The following DGKD variants were observed in gnomAD, a reference collection of about 807,000 sequenced individuals.
DGKD encodes DAG kinase delta.
In DGKD, 68 loss-of-function variants were observed where a neutral mutation model predicts 154.4. That is an observed-to-expected ratio of 0.44 (90% CI 0.36 to 0.54). DGKD has a LOEUF of 0.54. Ranked by LOEUF, DGKD falls within the 20% of genes least tolerant of loss-of-function variation. DGKD has a pLI of 0.00. For missense variants in DGKD, 1,343 were observed against 1,593.6 expected, an observed-to-expected ratio of 0.84 and a Z score of 2.68; for synonymous variants, 693 against 638.0, an observed-to-expected ratio of 1.09 and a Z score of -1.30.
intron 1 of DGKD, among the ~76,000 whole-genome samples, chr2:233,362,892 A>G (rs745603705): frequency 2.6e-5 from 4 of 152,178 alleles, no homozygotes; most frequent in Non-Finnish European, 5.9e-5. Flanking sequence ...AGCTGTTATA[A>G]TGTTGTAGGG....
rs372743022 is a variant in DGKD, at chr2:233,450,101, G to A, written c.2008G>A (p.Gly670Arg). 85 of 1,613,210 alleles carry A rather than the reference G, an allele frequency of 5.3e-5. No homozygotes were observed. The African/African-American group carries it at 8.8e-4, about 17-fold the overall frequency. ...ACCACTGTCCCACAGCGAGAGCTTCGGGGTCCCCAAGGGGAGGAGCCAGCG... is the reference window on the plus strand; with the variant it reads ...ACCACTGTCCCACAGCGAGAGCTTCAGGGTCCCCAAGGGGAGGAGCCAGCG... ...CPPLSHSESF[G>R]VPKGRSQRKV... Residue 670 changes from glycine (G) to arginine (R), a missense_variant, in exon 16 of 30, where the codon GGG becomes AGG. By Grantham distance (125) the Gly-to-Arg change is moderately radical. Around this residue, in one of 6 missense-constraint regions of DGKD, gnomAD observed 409 missense variants for 446.0 expected, o/e 0.92. Coordinates refer to ENST00000264057, the MANE Select transcript of DGKD (RefSeq NM_152879.3).
At chr2:233,359,216 T>C (rs933474712) in intron 1 of DGKD, among the ~76,000 whole-genome samples, 4 of 152,212 alleles carry the variant, frequency 2.6e-5, no homozygotes, top group Non-Finnish European at 5.9e-5. Context: ...GGACAGGGTG[T>C]CTAAACCTCC....
At chr2:233,363,627 TTCAC>T (rs1419857790) in intron 1 of DGKD, among the ~76,000 whole-genome samples, 2 of 152,216 alleles carry the variant, frequency 1.3e-5, no homozygotes, top group African/African-American at 4.8e-5. Context: ...TCACCAGTCA[TTCAC>T]TCACTCATCC....
chr2:233,457,119 C>A lies in DGKD; in HGVS notation c.2473-102C>A. 1 of 1,301,658 alleles carries A rather than the reference C, an allele frequency of 7.7e-7. No homozygotes were observed. Among genetic ancestry groups the A allele is most frequent in the Non-Finnish European group, 1.1e-6 (1 of 913,016 alleles). The allele number at this position is 1,301,658 out of a possible 1,614,324, so 80.6% of individuals were successfully genotyped here. Reference sequence around the variant, plus strand: ...GGGACTTGCCTGGGGATGCCCTGGCCACGGCTGTGCTCCTGAGCCCCTGGC... The same window carrying A: ...GGGACTTGCCTGGGGATGCCCTGGCAACGGCTGTGCTCCTGAGCCCCTGGC... On this transcript the variant is annotated intron_variant, in intron 20 of 29. Coordinates refer to ENST00000264057, the MANE Select transcript of DGKD (RefSeq NM_152879.3). The surrounding 1 kb of genome is among the most constrained non-coding windows in gnomAD (Gnocchi z 5.5).
Position 233,440,703 on chromosome 2 carries a change from G to A in DGKD, c.1086-1184G>A, listed in dbSNP as rs557868110. Among the ~76,000 whole-genome samples the A allele has an allele frequency of 1.3e-5, 2 of 152,326 alleles. No homozygotes were observed. The highest frequency in any genetic ancestry group is 2.1e-4 in the South Asian group (1 of 4,826). ...GGCACCTGCCGTCAGGGAGGGCTGC[G>A]GGTGCTGGCCAAGAGGTTCGACTCC... On this transcript the variant is annotated intron_variant, in intron 9 of 29. Coordinates refer to ENST00000264057, the MANE Select transcript of DGKD (RefSeq NM_152879.3). This position sits in a 1 kb window ranked among gnomAD's most constrained non-coding sequence, Gnocchi z 4.9.
At chr2:233,464,008 G>C in intron 26 of DGKD, 156 bp from the exon 27 acceptor site, 2 of 981,370 alleles carry the variant, frequency 2.0e-6, no homozygotes, top group South Asian at 3.4e-5. Context: ...TTCTGGGTTT[G>C]GTTCCTTTTC....
intron 1 of DGKD, among the ~76,000 whole-genome samples, chr2:233,383,745 G>A (rs1430584181): frequency 6.6e-6 from 1 of 152,182 alleles, no homozygotes; most frequent in Non-Finnish European, 1.5e-5. Context: ...TACACATCAA[G>A]CTTCCAAATC....
At chr2:233,385,628 G>T (rs577500104) in intron 1 of DGKD, among the ~76,000 whole-genome samples, 2 of 152,312 alleles carry the variant, frequency 1.3e-5, no homozygotes, top group Admixed American at 6.5e-5. Context: ...GCTCTAGGGG[G>T]CAAGGAGAGG....
At chr2:233,407,091 C>T (rs1248892585) in intron 3 of DGKD, among the ~76,000 whole-genome samples, 1 of 152,204 alleles carries the variant, frequency 6.6e-6, no homozygotes, top group African/African-American at 2.4e-5. Flanking sequence ...TGGGATAATA[C>T]TGGACTGTAT....
chr2:233,452,070 AG>A lies in DGKD; in HGVS notation c.2264+13del. 6.2e-7 allele frequency: 1 copy of A among 1,610,698 alleles called. No individual in the cohort carries two copies. The highest frequency in any genetic ancestry group is 8.5e-7 in the Non-Finnish European group (1 of 1,176,888). On this transcript the variant is annotated intron_variant, in intron 18 of 29. Coordinates refer to ENST00000264057, the MANE Select transcript of DGKD (RefSeq NM_152879.3). This position sits in a 1 kb window ranked among gnomAD's most constrained non-coding sequence, Gnocchi z 4.0. Reference sequence around the variant, plus strand: ...CTGAACCAGAAACCCTGTGAGTATGAGGGATAAACCGAGTGGGCATATTGTT... The same window carrying A: ...CTGAACCAGAAACCCTGTGAGTATGAGGATAAACCGAGTGGGCATATTGTT...
At chr2:233,433,110 A>G (rs2062583799) in intron 3 of DGKD, among the ~76,000 whole-genome samples, 3 of 152,240 alleles carry the variant, frequency 2.0e-5, no homozygotes, top group Admixed American at 2.0e-4. Context: ...AAGAGAAAGG[A>G]AATCAGTGTA....
intron 1 of DGKD, among the ~76,000 whole-genome samples, chr2:233,361,345 C>T (rs1228615766): frequency 1.3e-5 from 2 of 152,208 alleles, no homozygotes; most frequent in Non-Finnish European, 2.9e-5. Context: ...CCAACAGAAG[C>T]AAACTTTAAT....
rs1300931132 is a variant in DGKD, at chr2:233,449,637, T to G, written c.1888+261T>G. Among the ~76,000 whole-genome samples, 2 of 152,068 alleles carry G rather than the reference T, an allele frequency of 1.3e-5. No individual in the cohort carries two copies. The highest frequency in any genetic ancestry group is 4.8e-5 in the African/African-American group (2 of 41,408). ...ATTGACTTCACTATAAGCGTCTCAC[T>G]CCCGTGAGAGCCTTGAGGTCACGGC... On this transcript the variant is annotated intron_variant, in intron 15 of 29. Transcript: ENST00000264057. The surrounding 1 kb of genome is among the most constrained non-coding windows in gnomAD (Gnocchi z 5.3).
chr2:233,399,801 C>A (rs975647805), intron 3 of DGKD, among the ~76,000 whole-genome samples: 1 of 152,090 alleles, frequency 6.6e-6, no homozygotes, highest in Non-Finnish European at 1.5e-5. Context: ...GCAGAGGGGC[C>A]TTTCCCCCAA....
intron 3 of DGKD, among the ~76,000 whole-genome samples, chr2:233,408,540 C>T (rs1024238060): frequency 2.0e-5 from 3 of 152,202 alleles, no homozygotes; most frequent in Non-Finnish European, 2.9e-5. Context: ...GCAAAGCAAG[C>T]CTGCCTCTAT....
intron 1 of DGKD, among the ~76,000 whole-genome samples, chr2:233,382,328 G>GT (rs1018957154): frequency 6.6e-6 from 1 of 152,146 alleles, no homozygotes; most frequent in Admixed American, 6.5e-5. Flanking sequence ...TTTTATTCCA[G>GT]TATTTCCACT....
At chr2:233,419,209 C>T (rs2125539302) in intron 3 of DGKD, 1 of 985,538 alleles carries the variant, frequency 1.0e-6, no homozygotes, top group Admixed American at 6.1e-5. Context: ...TTCCGAGTGC[C>T]TCATCCTGCC....
chr2:233,421,558 G>C (rs962450884), intron 3 of DGKD, among the ~76,000 whole-genome samples: 5 of 152,188 alleles, frequency 3.3e-5, no homozygotes, highest in Admixed American at 3.3e-4. Flanking sequence ...GATGCTTGCA[G>C]GTTGGCCCCT....
chr2:233,354,695 C>G lies in DGKD; in HGVS notation c.156+21C>G, dbSNP rs1278645808. 9.2e-6 allele frequency: 9 copies of G among 983,198 alleles called. No homozygotes were observed. The East Asian group carries it at 8.1e-4, about 88-fold the overall frequency. The allele number at this position is 983,198 out of a possible 1,614,324, so 60.9% of individuals were successfully genotyped here. ...AGAAGGTGAGCCCGCGGCGCGGCGG[C>G]CCGGGCGCGCGCCCCTCACGCCGCG... On this transcript the variant is annotated intron_variant, in intron 1 of 29. Transcript: ENST00000264057. The surrounding 1 kb of genome is among the most constrained non-coding windows in gnomAD (Gnocchi z 4.8).
Sources: allele counts gnomAD v4.1 joint callset (sites outside exome capture counted in the v4.1 genomes callset), GRCh38; gene constraint gnomAD v4.1.1; regional missense constraint gnomAD v4.1.1; non-coding constraint Gnocchi (gnomAD v3.1); transcripts MANE v1.5; gene names NCBI Gene and HGNC (gene_info 2026-07-23, HGNC 2026-07-21).